The following LARP4B variants were observed in gnomAD, a reference collection of about 807,000 sequenced individuals.
LARP4B encodes La ribonucleoprotein 4B.
LARP4B carries 12 observed loss-of-function variants against 89.8 expected under a neutral mutation model. The observed-to-expected ratio is 0.13, with a 90% CI of 0.09 to 0.22. The LOEUF is 0.22. Ranked by LOEUF, LARP4B falls within the 10% of genes least tolerant of loss-of-function variation. The probability of loss-of-function intolerance (pLI) is 1.00; values close to 1 mark genes in which losing one functional copy is unlikely to be tolerated. For synonymous variants in LARP4B, 367 were observed against 363.3 expected (o/e 1.01, Z -0.12); for missense variants, 757 against 947.7 (o/e 0.80, Z 2.64).
At chr10:915,848 A>AAAG (rs2132033949) in intron 1 of LARP4B, among the ~76,000 whole-genome samples, 1 of 152,244 alleles carries the variant, frequency 6.6e-6, no homozygotes, top group African/African-American at 2.4e-5. Flanking sequence ...AAAAAAAAAA[A>AAAG]AAGGTTTTTG....
At chr10:934,477 G>A (rs761758547), upstream of LARP4B, among the ~76,000 whole-genome samples, 5 of 151,914 alleles carry the variant, frequency 3.3e-5, no homozygotes, top group Admixed American at 6.6e-5. Flanking sequence ...GTGACAGAGC[G>A]AGACCCTGTC....
the LARP4B span, among the ~76,000 whole-genome samples, chr10:958,814 A>G: frequency 6.6e-6 from 1 of 152,358 alleles, no homozygotes; most frequent in South Asian, 2.1e-4. Context: ...GTGGAGTCAC[A>G]GGCCTGCTGC....
chr10:930,239 G>T (rs1281437077), intron 1 of LARP4B, among the ~76,000 whole-genome samples: 1 of 152,120 alleles, frequency 6.6e-6, no homozygotes, highest in African/African-American at 2.4e-5. Flanking sequence ...TTTCGAAAGG[G>T]AAAATAACTT....
rs779330832 is a variant in LARP4B, at chr10:830,894, T to C, written c.834A>G (p.Thr278=). Residue 278 remains threonine, a synonymous_variant, in exon 9 of 18, where the codon ACA becomes ACG. Coordinates refer to ENST00000316157, the MANE Select transcript of LARP4B (RefSeq NM_015155.3). The part of the protein sequence containing the change: ...EFAYNDNWFI[T]FETEADAQQA... ...GTTGTGCATCAGCTTCTGTTTCAAA[T>C]GTAATAAACCAATTATCATTATATG... 2 of 1,425,494 alleles carry C rather than the reference T, an allele frequency of 1.4e-6. No individual in the cohort carries two copies. The highest frequency in any genetic ancestry group is 2.3e-5 in the South Asian group (2 of 85,156). The allele number at this position is 1,425,494 out of a possible 1,614,324, so 88.3% of individuals were successfully genotyped here. A position where few individuals can be genotyped will look rare whatever the true frequency, so the allele number is the denominator to read the frequency against.
At chr10:966,595 T>C in the LARP4B span, among the ~76,000 whole-genome samples, 2 of 152,200 alleles carry the variant, frequency 1.3e-5, no homozygotes, top group African/African-American at 2.4e-5. Context: ...GGCAAGCACA[T>C]TTGCAGCTCA....
At position 809,815 on chromosome 10, in the gene LARP4B, C is replaced by T. The variant is rs1427662172; in HGVS notation, c.*3111G>A. On this transcript the variant is annotated 3_prime_UTR_variant, in exon 18 of 18. Coordinates refer to ENST00000316157, the MANE Select transcript of LARP4B (RefSeq NM_015155.3). ...GCAAGCCGCAACTACAGCTCGCCAG[C>T]GGGGCACACAGACAGGCATGCACCA... 13 of 152,828 alleles carry T rather than the reference C, an allele frequency of 8.5e-5. No individual in the cohort carries two copies. Among genetic ancestry groups the T allele is most frequent in the East Asian group, 3.9e-4 (2 of 5,184 alleles). 9.5% of individuals were successfully genotyped at this position (152,828 alleles called of 1,614,324 possible). A position where few individuals can be genotyped will look rare whatever the true frequency, so the allele number is the denominator to read the frequency against.
chr10:884,590 C>T, intron 2 of LARP4B, 84 bp from the exon 3 acceptor site: 1 of 816,404 alleles, frequency 1.2e-6, no homozygotes, highest in South Asian at 1.5e-5. Flanking sequence ...TTAGGCAAAA[C>T]TAAACCCACC....
At chr10:931,009 T>TCGCCCAACCCCGGCCTC (rs1830575075) in intron 1 of LARP4B, among the ~76,000 whole-genome samples, 1 of 149,876 alleles carries the variant, frequency 6.7e-6, no homozygotes, top group African/African-American at 2.4e-5. Context: ...TCGCCGGCCT[T>TCGCCCAACCCCGGCCTC]CGCCCAACCC....
At chr10:939,383 A>C in the LARP4B span, among the ~76,000 whole-genome samples, 1 of 152,314 alleles carries the variant, frequency 6.6e-6, no homozygotes, top group Admixed American at 6.5e-5. Context: ...GGAGATGAGA[A>C]ACTCTGCTGT....
At chr10:902,356 C>A (rs1217363332) in intron 1 of LARP4B, among the ~76,000 whole-genome samples, 1 of 152,200 alleles carries the variant, frequency 6.6e-6, no homozygotes, top group African/African-American at 2.4e-5. Context: ...CGGAGTACCA[C>A]TTCTTGCTTT....
At chr10:863,380 G>A (rs1368095119) in intron 5 of LARP4B, among the ~76,000 whole-genome samples, 2 of 151,784 alleles carry the variant, frequency 1.3e-5, no homozygotes, top group Admixed American at 6.6e-5. Context: ...CCGCCACCAC[G>A]CCCAGCTGAT....
At chr10:847,399 G>A (rs1199572198) in intron 5 of LARP4B, among the ~76,000 whole-genome samples, 1 of 151,980 alleles carries the variant, frequency 6.6e-6, no homozygotes, top group Admixed American at 6.6e-5. Flanking sequence ...GAGTCACAGG[G>A]GCTAGGTTAA....
chr10:979,236 T>C, the LARP4B span, among the ~76,000 whole-genome samples: 1 of 152,206 alleles, frequency 6.6e-6, no homozygotes, highest in African/African-American at 2.4e-5. Flanking sequence ...TTGCTCTCAA[T>C]CCTACCGGTC....
the LARP4B span, among the ~76,000 whole-genome samples, chr10:984,471 A>G: frequency 6.6e-6 from 1 of 152,196 alleles, no homozygotes; most frequent in African/African-American, 2.4e-5. Flanking sequence ...CAGTGTGTCA[A>G]TAGAATGACT....
At position 863,225 on chromosome 10, in the gene LARP4B, CAT is replaced by C. The variant is rs1491146186; in HGVS notation, c.430+516_430+517del. On this transcript the variant is annotated intron_variant, in intron 5 of 17. Transcript: ENST00000316157. ...ACACTTCGCACTACTAAATAGGTTT[CAT>C]TTTTTTTTTTTTTTGAGATGGAGTC... Among the ~76,000 whole-genome samples, 144 of 146,774 alleles carry C rather than the reference CAT, an allele frequency of 9.8e-4. 1 individual carries two copies. The highest frequency in any genetic ancestry group is 2.7e-3 in the African/African-American group (107 of 40,342).
intron 1 of LARP4B, among the ~76,000 whole-genome samples, chr10:888,284 G>A (rs369962920): frequency 1.3e-5 from 2 of 151,282 alleles, no homozygotes; most frequent in South Asian, 2.1e-4. Flanking sequence ...ATCACACCAC[G>A]GCACTCCAGC....
chr10:817,876 T>C lies in LARP4B; in HGVS notation c.1544A>G (p.Gln515Arg). Reference protein sequence around the residue: ...REEKFTSSQTQSPTPPKPPSP... With the variant: ...REEKFTSSQTRSPTPPKPPSP... ...CGGAGGCTTTGGTGGCGTTGGAGAC[T>C]GTGTCTGGCTGCTCTGCAACAGAAT... is the stretch of plus-strand genomic sequence containing the variant. The change falls in exon 15 of 18, where the codon CAG (glutamine) becomes CGG (arginine). Residue 515 changes from glutamine (Q) to arginine (R), a missense_variant. Physicochemically the swap from Gln to Arg is conservative, Grantham distance 43. This residue lies in a region of LARP4B where 387 missense variants were observed against 423.6 expected (regional missense o/e 0.91). Transcript: ENST00000316157. 1 of 1,613,556 alleles carries C rather than the reference T, an allele frequency of 6.2e-7. No homozygotes were observed.
intron 3 of LARP4B, among the ~76,000 whole-genome samples, chr10:875,658 T>A (rs1231505408): frequency 1.3e-5 from 2 of 152,228 alleles, no homozygotes; most frequent in Non-Finnish European, 2.9e-5. Flanking sequence ...GAGAGGCCTT[T>A]GTGCTGCACC....
intron 1 of LARP4B, among the ~76,000 whole-genome samples, chr10:906,091 T>C (rs987205324): frequency 6.6e-6 from 1 of 152,254 alleles, no homozygotes; most frequent in African/African-American, 2.4e-5. Flanking sequence ...CGGGCCTTTT[T>C]CTGAGACTTG....
Sources: gnomAD v4.1 joint callset for allele counts (sites outside exome capture counted in the v4.1 genomes callset) on GRCh38, gnomAD v4.1.1 for gene constraint, gnomAD v4.1.1 regional missense constraint, MANE v1.5 for transcripts, NCBI Gene and HGNC (gene_info 2026-07-23, HGNC 2026-07-21) for gene names.